The following SLC25A21 variants were observed in gnomAD, a reference collection of about 807,000 sequenced individuals.
SLC25A21 encodes mitochondrial 2-oxodicarboxylate carrier.
In SLC25A21, 47 loss-of-function variants were observed where a neutral mutation model predicts 43.8. The observed-to-expected ratio is 1.07, with a 90% CI of 0.85 to 1.37. The LOEUF (loss-of-function observed/expected upper bound fraction) is 1.37. SLC25A21 is among the 40% of genes most tolerant of loss of function. The pLI, the probability that SLC25A21 is intolerant of heterozygous loss-of-function variation, is 0.00. For synonymous variants in SLC25A21, 131 were observed against 121.3 expected (o/e 1.08, Z -0.52); for missense variants, 352 against 350.2 (o/e 1.00, Z -0.04).
chr14:37,085,409 A>C (rs1464238281), intron 1 of SLC25A21, among the ~76,000 whole-genome samples: 1 of 151,676 alleles, frequency 6.6e-6, no homozygotes, highest in African/African-American at 2.4e-5. Context: ...ATATTTAGTG[A>C]ACAAACCCTA....
Position 37,138,658 on chromosome 14 carries a change from TA to T in SLC25A21, c.70+33622del, listed in dbSNP as rs577821985. Among the ~76,000 whole-genome samples the T allele has an allele frequency of 2.6e-4, 39 of 152,206 alleles. 1 individual carries two copies. In the South Asian group the frequency reaches 7.9e-3, roughly 31 times the overall value. ...CTCCACTCAATTTCCTATGCATTTC[TA>T]ATACCTCCAACTGCTAATTTTCCTT... On this transcript the variant is annotated intron_variant, in intron 1 of 9. Coordinates refer to ENST00000331299, the MANE Select transcript of SLC25A21 (RefSeq NM_030631.4).
intron 1 of SLC25A21, among the ~76,000 whole-genome samples, chr14:37,100,410 G>A (rs986475786): frequency 1.3e-5 from 2 of 151,956 alleles, no homozygotes; most frequent in Admixed American, 1.3e-4. Context: ...ATCCTTCTTT[G>A]TCCCACTTAA....
chr14:37,025,934 T>C (rs1325306124), intron 1 of SLC25A21, among the ~76,000 whole-genome samples: 1 of 152,116 alleles, frequency 6.6e-6, no homozygotes, highest in Non-Finnish European at 1.5e-5. Flanking sequence ...TCAGAACCTA[T>C]ATAGCAAACG....
At chr14:37,061,464 T>G (rs1961946455) in intron 1 of SLC25A21, among the ~76,000 whole-genome samples, 1 of 152,008 alleles carries the variant, frequency 6.6e-6, no homozygotes, top group African/African-American at 2.4e-5. Flanking sequence ...CAACTGCTGA[T>G]TTATTTGTAA....
intron 1 of SLC25A21, among the ~76,000 whole-genome samples, chr14:36,876,291 G>A (rs556478883): frequency 2.8e-4 from 42 of 152,312 alleles, no homozygotes; most frequent in African/African-American, 9.6e-4. Flanking sequence ...CTTTGCTTCT[G>A]CAGAAGCCTT....
intron 3 of SLC25A21, among the ~76,000 whole-genome samples, chr14:36,782,460 G>C (rs913532124): frequency 1.3e-5 from 2 of 151,924 alleles, no homozygotes; most frequent in African/African-American, 4.8e-5. Flanking sequence ...GTGTTCTCTT[G>C]GTAGTGTCAT....
intron 3 of SLC25A21, among the ~76,000 whole-genome samples, chr14:36,737,630 C>A (rs933998353): frequency 1.3e-5 from 2 of 152,156 alleles, no homozygotes; most frequent in Non-Finnish European, 2.9e-5. Flanking sequence ...AGGTCAGCAC[C>A]GCTTCTGCTG....
In SLC25A21 at chr14:37,093,822, C is replaced by T. The variant is rs149176268; in HGVS notation, c.70+78459G>A. Among the ~76,000 whole-genome samples, 146 of 152,250 alleles carry T rather than the reference C, an allele frequency of 9.6e-4. 2 individuals carry two copies. Among genetic ancestry groups the T allele is most frequent in the African/African-American group, 3.3e-3 (136 of 41,560 alleles). On this transcript the variant is annotated intron_variant, in intron 1 of 9. Transcript: ENST00000331299. ...AACGTGGTGGGATTCTACCCAAACACCCTCCCAGCCCCCTTAAAACCTAAG... is the reference window on the plus strand; with the variant it reads ...AACGTGGTGGGATTCTACCCAAACATCCTCCCAGCCCCCTTAAAACCTAAG...
chr14:36,706,856 C>T lies in SLC25A21; in HGVS notation c.603+4462G>A, dbSNP rs182251465. Among the ~76,000 whole-genome samples, 2,742 of 152,256 alleles carry T rather than the reference C, an allele frequency of 0.018. 155 individuals carry two copies. In the East Asian group the frequency reaches 0.22, roughly 12 times the overall value. On this transcript the variant is annotated intron_variant, in intron 7 of 9. Transcript: ENST00000331299. The stretch of plus-strand genomic sequence containing the variant: ...TCATTTCCATGCACACATTCTGCCT[C>T]TCCCTCCCATCCCCACCCCATCCAG...
intron 7 of SLC25A21, among the ~76,000 whole-genome samples, chr14:36,689,804 A>G (rs567148990): frequency 1.3e-5 from 2 of 152,220 alleles, no homozygotes; most frequent in African/African-American, 2.4e-5. Flanking sequence ...AAGTCCTCCA[A>G]GTTATTCTGA....
intron 2 of SLC25A21, among the ~76,000 whole-genome samples, chr14:36,843,994 C>T (rs1200846441): frequency 6.6e-6 from 1 of 152,032 alleles, no homozygotes; most frequent in Non-Finnish European, 1.5e-5. Context: ...TTGAATGTGA[C>T]CCCCCAAAAT....
intron 1 of SLC25A21, among the ~76,000 whole-genome samples, chr14:37,006,080 C>T (rs17105921): frequency 0.086 from 13,135 of 152,040 alleles, 1,888 homozygotes; most frequent in African/African-American, 0.3. Flanking sequence ...ACAAGGCAAA[C>T]TAAATGTATA....
intron 1 of SLC25A21, among the ~76,000 whole-genome samples, chr14:36,988,506 A>T (rs2138709230): frequency 6.6e-6 from 1 of 152,310 alleles, no homozygotes; most frequent in East Asian, 1.9e-4. Flanking sequence ...AGAAGCCAAA[A>T]TGGGAAATTT....
intron 1 of SLC25A21, among the ~76,000 whole-genome samples, chr14:37,116,843 C>T (rs540252775): frequency 2.0e-5 from 3 of 152,148 alleles, no homozygotes; most frequent in East Asian, 3.9e-4. Context: ...GATTTAATTG[C>T]CCAGATTTCA....
chr14:37,143,828 A>AT (rs1398735504), intron 1 of SLC25A21, among the ~76,000 whole-genome samples: 5 of 152,164 alleles, frequency 3.3e-5, no homozygotes, highest in Non-Finnish European at 5.9e-5. Context: ...CATAGCTTAC[A>AT]TTTTGTCTGA....
intron 1 of SLC25A21, among the ~76,000 whole-genome samples, chr14:37,125,756 T>C (rs769540042): frequency 6.6e-6 from 1 of 152,190 alleles, no homozygotes; most frequent in African/African-American, 2.4e-5. Context: ...AACACCATTA[T>C]GTATTTATTG....
intron 1 of SLC25A21, among the ~76,000 whole-genome samples, chr14:37,078,696 C>G (rs1259447084): frequency 1.3e-5 from 2 of 152,162 alleles, no homozygotes; most frequent in East Asian, 3.8e-4. Context: ...TACTGGAAGG[C>G]AGTGGTATAA....
chr14:36,913,289 A>T (rs1891740466), intron 1 of SLC25A21, among the ~76,000 whole-genome samples: 1 of 152,138 alleles, frequency 6.6e-6, no homozygotes, highest in South Asian at 2.1e-4. Context: ...TCATGTGTGA[A>T]CTGAGATTTT....
rs1311815107 is a variant in SLC25A21 at position 37,091,293 on chromosome 14, G to A, written c.70+80988C>T. 2.0e-5 allele frequency among the ~76,000 whole-genome samples: 3 copies of A among 152,032 alleles called. No homozygotes were observed. The East Asian group carries it at 5.8e-4, about 29-fold the overall frequency. On this transcript the variant is annotated intron_variant, in intron 1 of 9. Transcript: ENST00000331299. ...ACTAAAAATACAAAAAATTAGCTGG[G>A]TGTGGTAGCACACACCTGTAACCCC...
Sources: allele counts gnomAD v4.1 joint callset (sites outside exome capture counted in the v4.1 genomes callset), GRCh38; gene constraint gnomAD v4.1.1; transcripts MANE v1.5; gene names NCBI Gene and HGNC (gene_info 2026-07-23, HGNC 2026-07-21).